Variants in OSMR observed in about 807,000 individuals in gnomAD.
The protein encoded by OSMR is oncostatin-M-specific receptor subunit beta.
Under a neutral mutation model 99.9 loss-of-function variants are expected in OSMR, and 81 were observed. That is an observed-to-expected ratio of 0.81 (90% CI 0.68 to 0.97). OSMR has a LOEUF of 0.97. Ranked by LOEUF, OSMR falls within the 50% of genes least tolerant of loss-of-function variation. The pLI is 0.00. For missense variants in OSMR, 1,099 were observed against 1,153.4 expected, an observed-to-expected ratio of 0.95 and a Z score of 0.68; for synonymous variants, 406 against 410.4, an observed-to-expected ratio of 0.99 and a Z score of 0.13.
At chr5:38,918,600 G>A (rs1273243621) in intron 10 of OSMR, 1 of 276,638 alleles carries the variant, frequency 3.6e-6, no homozygotes, top group Non-Finnish European at 5.5e-6. Context: ...CTCTTCTCAG[G>A]GCACATAATG....
intron 1 of OSMR, among the ~76,000 whole-genome samples, chr5:38,866,991 C>T (rs187847667): frequency 6.6e-6 from 1 of 152,164 alleles, no homozygotes; most frequent in Non-Finnish European, 1.5e-5. Context: ...CTGTCACTTC[C>T]CTGCTGAATT....
intron 11 of OSMR, chr5:38,919,565 C>T (rs1236483415): frequency 2.2e-5 from 7 of 317,402 alleles, no homozygotes; most frequent in Non-Finnish European, 3.0e-5. Context: ...TAATCTCTTG[C>T]CTATGAAAGA....
At chr5:38,851,011 C>T (rs928438241) in intron 1 of OSMR, among the ~76,000 whole-genome samples, 8 of 152,160 alleles carry the variant, frequency 5.3e-5, no homozygotes, top group South Asian at 2.1e-4. Flanking sequence ...CAGAAAAACA[C>T]GGCATCCTCC....
chr5:38,943,152 G>GT, intron 1 of OSMR: 1 of 302,542 alleles, frequency 3.3e-6, no homozygotes, highest in Non-Finnish European at 5.4e-6. Context: ...GACATTCTGA[G>GT]TTTGGGTTTT....
intron 7 of OSMR, among the ~76,000 whole-genome samples, chr5:38,901,183 T>C (rs1277617045): frequency 2.6e-5 from 4 of 152,232 alleles, no homozygotes; most frequent in African/African-American, 9.6e-5. Context: ...GGCTATCTAT[T>C]GGCCAGATGG....
At chr5:38,866,990 C>T (rs1045448726) in intron 1 of OSMR, among the ~76,000 whole-genome samples, 2 of 152,172 alleles carry the variant, frequency 1.3e-5, no homozygotes, top group African/African-American at 2.4e-5. Context: ...TCTGTCACTT[C>T]CCTGCTGAAT....
At chr5:38,859,422 T>C (rs1480140204) in intron 1 of OSMR, among the ~76,000 whole-genome samples, 1 of 152,214 alleles carries the variant, frequency 6.6e-6, no homozygotes, top group Admixed American at 6.5e-5. Context: ...AATGTGAATT[T>C]ATTTCTGGGT....
At chr5:38,883,316 T>C (rs1743446937) in intron 4 of OSMR, among the ~76,000 whole-genome samples, 1 of 152,206 alleles carries the variant, frequency 6.6e-6, no homozygotes, top group Non-Finnish European at 1.5e-5. Context: ...TCTGAGAAGG[T>C]AGGGAGAGAT....
chr5:38,852,358 T>C (rs947568185), intron 1 of OSMR, among the ~76,000 whole-genome samples: 2 of 152,314 alleles, frequency 1.3e-5, no homozygotes, highest in Non-Finnish European at 1.5e-5. Flanking sequence ...GAAATACACA[T>C]AGAATTTTAG....
chr5:38,945,306 C>A, downstream of OSMR: 1 of 613,520 alleles, frequency 1.6e-6, no homozygotes, highest in Non-Finnish European at 2.8e-6. Flanking sequence ...CAGACTCAGG[C>A]CCCACTGTGA....
At chr5:38,898,196 G>A (rs1198293343) in intron 7 of OSMR, among the ~76,000 whole-genome samples, 1 of 152,036 alleles carries the variant, frequency 6.6e-6, no homozygotes, top group Non-Finnish European at 1.5e-5. Flanking sequence ...CTGAAAATGG[G>A]GTGTTTAAGT....
chr5:38,940,139 A>AC, downstream of OSMR: 1 of 207,310 alleles, frequency 4.8e-6, no homozygotes, highest in Non-Finnish European at 9.2e-6. Flanking sequence ...GTAAAAAAAA[A>AC]AAACAAAAAA....
intron 13 of OSMR, 84 bp from the exon 14 acceptor site, chr5:38,924,338 T>G: frequency 6.2e-7 from 1 of 1,603,514 alleles, no homozygotes; most frequent in Non-Finnish European, 8.5e-7. Context: ...CAGAGCTGGC[T>G]ATGGTTCTTC....
chr5:38,891,653 C>T lies in OSMR; in HGVS notation c.991+5463C>T, dbSNP rs137987747. Reference sequence around the variant, plus strand: ...ACATGAGAACCCACCTGCCCCTGCCCCAGGCCTCTGGACTAACAGAGAACT... The same window carrying T: ...ACATGAGAACCCACCTGCCCCTGCCTCAGGCCTCTGGACTAACAGAGAACT... On this transcript the variant is annotated intron_variant, in intron 7 of 17. Coordinates refer to ENST00000274276, the MANE Select transcript of OSMR (RefSeq NM_003999.3). Among the ~76,000 whole-genome samples, 295 of 152,194 alleles carry T rather than the reference C, an allele frequency of 1.9e-3. 1 individual carries two copies. The highest frequency in any genetic ancestry group is 6.8e-3 in the African/African-American group (281 of 41,542).
At chr5:38,880,919 C>T (rs1466973574) in intron 3 of OSMR, among the ~76,000 whole-genome samples, 2 of 152,234 alleles carry the variant, frequency 1.3e-5, no homozygotes, top group Admixed American at 6.5e-5. Flanking sequence ...CTTAGACAAG[C>T]TTCCTAGAAA....
Position 38,942,445 on chromosome 5 carries a change from A to G in OSMR, c.75-1756A>G, listed in dbSNP as rs80137916. 1,186 of 877,948 alleles carry G rather than the reference A, an allele frequency of 1.4e-3. 17 individuals are homozygous for G. The African/African-American group carries it at 0.019, about 14-fold the overall frequency. 54.4% of individuals were successfully genotyped at this position (877,948 alleles called of 1,614,324 possible). A position where few individuals can be genotyped will look rare whatever the true frequency, so the allele number is the denominator to read the frequency against. ...CAGATGATATAACATATTTATATAA[A>G]TATCTAATTTTTTTTTTTTTTTGAG... On this transcript the variant is annotated intron_variant and NMD_transcript_variant, in intron 1 of 2. Coordinates refer to the OSMR transcript ENST00000508882.
chr5:38,904,376 C>A lies in OSMR; in HGVS notation c.1158C>A (p.Asn386Lys), dbSNP rs113202105. The change falls in exon 9 of 18, where the codon AAC becomes AAA. Residue 386 changes from asparagine (N) to lysine (K), a missense_variant. Asn to Lys is a moderately conservative substitution (Grantham distance 94, BLOSUM62 0). Transcript: ENST00000274276. The part of the protein sequence containing the change: ...MMQYNVSIKV[N>K]GEYFLSELEP... The stretch of plus-strand genomic sequence containing the variant: ...AGTACAATGTTTCCATCAAGGTGAA[C>A]GGTGAGTACTTCTTAAGTGAACTGG... 1 of 1,613,762 alleles carries A rather than the reference C, an allele frequency of 6.2e-7. No homozygotes were observed. The highest frequency in any genetic ancestry group is 8.5e-7 in the Non-Finnish European group (1 of 1,179,908).
rs147336088 is a variant in OSMR, at chr5:38,892,828, C to T, written c.991+6638C>T. 2.3e-3 allele frequency among the ~76,000 whole-genome samples: 350 copies of T among 152,168 alleles called. 2 individuals carry two copies. Among genetic ancestry groups the T allele is most frequent in the Non-Finnish European group, 2.4e-3 (164 of 68,000 alleles). On this transcript the variant is annotated intron_variant, in intron 7 of 17. Coordinates refer to ENST00000274276, the MANE Select transcript of OSMR (RefSeq NM_003999.3). ...GAGTGATAGGGAAACAACTCAAGTT[C>T]CTGCCTATCTAGGATGGGGAGCTGG...
intron 1 of OSMR, among the ~76,000 whole-genome samples, chr5:38,866,251 G>A (rs1045506725): frequency 1.3e-5 from 2 of 152,192 alleles, no homozygotes; most frequent in Admixed American, 1.3e-4. Context: ...AGCTGTGGTA[G>A]GTGGGGCAAG....
Sources: allele counts gnomAD v4.1 joint callset (sites outside exome capture counted in the v4.1 genomes callset), GRCh38; gene constraint gnomAD v4.1.1; transcripts MANE v1.5; gene names NCBI Gene and HGNC (gene_info 2026-07-23, HGNC 2026-07-21).